PCDH9: variants seen among roughly 807,000 people sequenced by gnomAD.
PCDH9 encodes protocadherin-9.
PCDH9 carries 24 observed loss-of-function variants against 70.6 expected under a neutral mutation model. The observed-to-expected ratio is 0.34, with a 90% confidence interval of 0.25 to 0.48. PCDH9 has a LOEUF of 0.48. PCDH9 is among the 20% of genes least tolerant of loss of function. The pLI, the probability that PCDH9 is intolerant of heterozygous loss-of-function variation, is 0.99. For synonymous variants in PCDH9, 562 were observed against 558.5 expected (o/e 1.01, Z -0.09); for missense variants, 1,281 against 1,503.6 (o/e 0.85, Z 2.45).
intron 2 of PCDH9, chr13:67,217,070 A>C (rs1303632970): frequency 6.6e-6 from 1 of 152,050 alleles, no homozygotes; most frequent in African/African-American, 2.4e-5. Flanking sequence ...AGTCCTCAGC[A>C]TGCAGCTGCT....
chr13:66,895,169 A>G (rs991864400), intron 3 of PCDH9, among the ~76,000 whole-genome samples: 1 of 152,156 alleles, frequency 6.6e-6, no homozygotes, highest in African/African-American at 2.4e-5. Flanking sequence ...TAGAATAGGT[A>G]TTTTATAATA....
At chr13:66,513,273 AT>A (rs976733777) in intron 4 of PCDH9, among the ~76,000 whole-genome samples, 57 of 117,794 alleles carry the variant, frequency 4.8e-4, no homozygotes, top group African/African-American at 1.8e-3. Flanking sequence ...TCCTTTTATT[AT>A]TTTTTTTCAG....
chr13:66,863,242 C>G (rs1481725985), intron 3 of PCDH9, among the ~76,000 whole-genome samples: 1 of 152,152 alleles, frequency 6.6e-6, no homozygotes, highest in Non-Finnish European at 1.5e-5. Context: ...GTTGTCTAAT[C>G]TATCTGGACT....
chr13:66,923,276 T>G (rs2082666093), intron 2 of PCDH9, among the ~76,000 whole-genome samples: 1 of 151,560 alleles, frequency 6.6e-6, no homozygotes, highest in South Asian at 2.1e-4. Context: ...TCATAGCTAA[T>G]TATATGCACC....
At chr13:66,772,957 C>T (rs1194849154) in intron 3 of PCDH9, among the ~76,000 whole-genome samples, 1 of 151,238 alleles carries the variant, frequency 6.6e-6, no homozygotes, top group Admixed American at 6.6e-5. Context: ...ATTTAAATTT[C>T]GTTGACTACA....
At chr13:66,904,174 G>A (rs2139600360) in intron 2 of PCDH9, among the ~76,000 whole-genome samples, 1 of 151,988 alleles carries the variant, frequency 6.6e-6, no homozygotes, top group Admixed American at 6.6e-5. Flanking sequence ...TAAAATACTA[G>A]TTGACTTATT....
intron 3 of PCDH9, among the ~76,000 whole-genome samples, chr13:66,633,974 GAAAAACT>G (rs1399164028): frequency 6.6e-6 from 1 of 152,030 alleles, no homozygotes; most frequent in Non-Finnish European, 1.5e-5. Context: ...ACACTGAAAA[GAAAAACT>G]AAAACATTGT....
intron 3 of PCDH9, among the ~76,000 whole-genome samples, chr13:66,761,164 C>T (rs555017979): frequency 4.8e-5 from 4 of 83,016 alleles, no homozygotes; most frequent in African/African-American, 9.0e-5. Flanking sequence ...CTTTGAATAT[C>T]GCTAATAAAA....
rs572799150 is a variant in PCDH9, at chr13:67,154,978, T to C, written c.3036+70427A>G. The stretch of plus-strand genomic sequence containing the variant: ...TCCACCCACCTGAGTGGTGGGTGGG[T>C]GGCATGAGCCTGGCCTATAATTATT... On this transcript the variant is annotated intron_variant, in intron 2 of 4. Transcript: ENST00000377865. Among the ~76,000 whole-genome samples the C allele has an allele frequency of 3.3e-5, 5 of 152,086 alleles. No homozygotes were observed. In the South Asian group the frequency reaches 1.0e-3, roughly 32 times the overall value.
chr13:66,443,679 G>A (rs1049904510), intron 4 of PCDH9, among the ~76,000 whole-genome samples: 13 of 151,950 alleles, frequency 8.6e-5, no homozygotes, highest in Non-Finnish European at 1.9e-4. Flanking sequence ...CTTGTCTTCA[G>A]TTCTTGGTAA....
At position 67,068,809 on chromosome 13, in the gene PCDH9, C is replaced by G. The variant is rs536869866; in HGVS notation, c.3036+156596G>C. ...TATGTAAAAACAATGAATACAACAA[C>G]TTTGAATCCTAAAATTATCCTGTTA... On this transcript the variant is annotated intron_variant, in intron 2 of 4. Transcript: ENST00000377865. Among the ~76,000 whole-genome samples the G allele has an allele frequency of 2.2e-4, 33 of 152,282 alleles. 1 individual carries two copies. In the South Asian group the frequency reaches 6.8e-3, roughly 32 times the overall value.
rs140649223 is a variant in PCDH9, at chr13:67,007,746, T to G, written c.3037-104141A>C. Among the ~76,000 whole-genome samples, 398 of 152,314 alleles carry G rather than the reference T, an allele frequency of 2.6e-3. 1 individual carries two copies. Among genetic ancestry groups the G allele is most frequent in the Non-Finnish European group, 4.8e-3 (327 of 68,024 alleles). ...TTGACAAGTGCTGATCAACAATTTG[T>G]GTGAACAAATCCCAGGACTGATGCA... On this transcript the variant is annotated intron_variant, in intron 2 of 4. Transcript: ENST00000377865.
At chr13:67,166,800 A>C (rs1222779406) in intron 2 of PCDH9, among the ~76,000 whole-genome samples, 2 of 152,152 alleles carry the variant, frequency 1.3e-5, no homozygotes, top group African/African-American at 4.8e-5. Flanking sequence ...GGCTACGGGC[A>C]TTGTACCTGC....
At chr13:67,115,539 A>G (rs1336106017) in intron 2 of PCDH9, among the ~76,000 whole-genome samples, 1 of 152,234 alleles carries the variant, frequency 6.6e-6, no homozygotes, top group African/African-American at 2.4e-5. Context: ...ACGAGAACAA[A>G]GTGATCCTTG....
intron 3 of PCDH9, among the ~76,000 whole-genome samples, chr13:66,666,692 G>A (rs1262633711): frequency 2.0e-5 from 3 of 152,124 alleles, no homozygotes; most frequent in Admixed American, 2.0e-4. Context: ...CAGAAATACT[G>A]TATTGTTATT....
At chr13:66,464,236 A>G (rs1958475899) in intron 4 of PCDH9, among the ~76,000 whole-genome samples, 1 of 151,642 alleles carries the variant, frequency 6.6e-6, no homozygotes, top group Non-Finnish European at 1.5e-5. Flanking sequence ...AAAAAAAAAA[A>G]GAAGAGTGCT....
intron 2 of PCDH9, among the ~76,000 whole-genome samples, chr13:67,022,409 C>G (rs1179396684): frequency 6.6e-6 from 1 of 152,116 alleles, no homozygotes; most frequent in Non-Finnish European, 1.5e-5. Flanking sequence ...GCATGAGCCA[C>G]TGCACCCAGC....
intron 3 of PCDH9, among the ~76,000 whole-genome samples, chr13:66,865,380 C>A (rs2081556073): frequency 6.6e-6 from 1 of 152,078 alleles, no homozygotes; most frequent in Non-Finnish European, 1.5e-5. Flanking sequence ...TCAAATTGTT[C>A]TTTACAATTT....
chr13:66,883,161 T>C lies in PCDH9; in HGVS notation c.3138+20343A>G, dbSNP rs573356658. Among the ~76,000 whole-genome samples, 14 of 152,314 alleles carry C rather than the reference T, an allele frequency of 9.2e-5. No homozygotes were observed. In the South Asian group the frequency reaches 2.9e-3, roughly 32 times the overall value. The stretch of plus-strand genomic sequence containing the variant: ...TTCCCTCTGCCTAGAAATCCCTTTA[T>C]ATATATCTACATCACCTCTAAGGCT... On this transcript the variant is annotated intron_variant, in intron 3 of 4. Transcript: ENST00000377865.
Sources: allele counts gnomAD v4.1 joint callset (sites outside exome capture counted in the v4.1 genomes callset), GRCh38; gene constraint gnomAD v4.1.1; transcripts MANE v1.5; gene names NCBI Gene and HGNC (gene_info 2026-07-23, HGNC 2026-07-21).